DACH1: variants seen among roughly 807,000 people sequenced by gnomAD.
The protein encoded by DACH1 is dachshund homolog 1.
Under a neutral mutation model 54.2 loss-of-function variants are expected in DACH1, and 12 were observed. The ratio of observed to expected loss-of-function variants is 0.22; its 90% CI spans 0.14 to 0.36. The LOEUF (loss-of-function observed/expected upper bound fraction) is 0.36. DACH1 is among the 10% of genes least tolerant of loss of function. The pLI is 1.00. For synonymous variants in DACH1, 386 were observed against 366.2 expected, an observed-to-expected ratio of 1.05 and a Z score of -0.62; for missense variants, 805 against 929.8, an observed-to-expected ratio of 0.87 and a Z score of 1.75.
At chr13:71,611,992 T>C (rs1255984221) in intron 3 of DACH1, among the ~76,000 whole-genome samples, 1 of 152,134 alleles carries the variant, frequency 6.6e-6, no homozygotes, top group South Asian at 2.1e-4. Flanking sequence ...GACAATCGTA[T>C]GAGGATGAAT....
intron 10 of DACH1, among the ~76,000 whole-genome samples, chr13:71,463,079 G>A (rs1228733850): frequency 6.6e-6 from 1 of 151,926 alleles, no homozygotes; most frequent in African/African-American, 2.4e-5. Context: ...ATGAATGATA[G>A]TATTGACACT....
intron 3 of DACH1, among the ~76,000 whole-genome samples, chr13:71,629,403 A>G (rs946334015): frequency 9.9e-5 from 15 of 152,112 alleles, no homozygotes; most frequent in Non-Finnish European, 2.1e-4. Flanking sequence ...TCCCTTACAT[A>G]GTTGTGCTGA....
chr13:71,562,822 T>C (rs9542721), intron 4 of DACH1, among the ~76,000 whole-genome samples: 7 of 152,106 alleles, frequency 4.6e-5, no homozygotes, highest in Non-Finnish European at 8.8e-5. Context: ...TCATATCAAA[T>C]CATTGTAATC....
At chr13:71,553,935 T>C (rs1446404011) in intron 6 of DACH1, among the ~76,000 whole-genome samples, 1 of 151,882 alleles carries the variant, frequency 6.6e-6, no homozygotes, top group African/African-American at 2.4e-5. Flanking sequence ...ATTTTTGGAA[T>C]CAGTGTTTTC....
At chr13:71,512,073 T>C (rs1202842572) in intron 6 of DACH1, among the ~76,000 whole-genome samples, 1 of 152,006 alleles carries the variant, frequency 6.6e-6, no homozygotes, top group African/African-American at 2.4e-5. Flanking sequence ...ATACTTCTTA[T>C]GTTACCAATT....
At chr13:71,813,948 C>T (rs927030119) in intron 1 of DACH1, among the ~76,000 whole-genome samples, 8 of 152,048 alleles carry the variant, frequency 5.3e-5, no homozygotes, top group Non-Finnish European at 1.2e-4. Context: ...GACGTTAAGC[C>T]CTCAAGCCAA....
At chr13:71,827,593 A>G (rs898441927) in intron 1 of DACH1, among the ~76,000 whole-genome samples, 4 of 152,208 alleles carry the variant, frequency 2.6e-5, no homozygotes, top group South Asian at 4.1e-4. Flanking sequence ...AAGATTGTCA[A>G]CGTACTACAG....
At chr13:71,771,442 A>G (rs1309185092) in intron 1 of DACH1, among the ~76,000 whole-genome samples, 3 of 151,550 alleles carry the variant, frequency 2.0e-5, no homozygotes, top group African/African-American at 7.2e-5. Context: ...AAAGTCACTT[A>G]GTATTTAAAT....
chr13:71,866,487 C>T lies in DACH1; in HGVS notation c.283G>A (p.Gly95Ser). ...GGGSSGNGGGGGGGGGGSNCN... is the reference protein window; with the variant it reads ...GGGSSGNGGGSGGGGGGSNCN... ...TTGCTGCCACCGCCGCCGCCGCCAC[C>T]GCCGCCTCCGTTGCCGCTGCTGCCG... The change falls in exon 1 of 11, where the codon GGT becomes AGT. Residue 95 changes from glycine to serine, a missense_variant. Around this residue, in one of 3 missense-constraint regions of DACH1, gnomAD observed 305 missense variants for 308.7 expected, o/e 0.99. Transcript: ENST00000613252. 2 of 1,243,810 alleles carry T rather than the reference C, an allele frequency of 1.6e-6. No homozygotes were observed. Among genetic ancestry groups the T allele is most frequent in the Non-Finnish European group, 2.0e-6 (2 of 990,972 alleles). 77.0% of individuals were successfully genotyped at this position (1,243,810 alleles called of 1,614,324 possible). A position where few individuals can be genotyped will look rare whatever the true frequency, so the allele number is the denominator to read the frequency against.
intron 3 of DACH1, among the ~76,000 whole-genome samples, chr13:71,626,685 T>A (rs555425225): frequency 2.0e-5 from 3 of 151,988 alleles, no homozygotes; most frequent in Admixed American, 1.3e-4. Context: ...GTAATCAATA[T>A]CAGGATGGCT....
chr13:71,827,220 A>C (rs998718704), intron 1 of DACH1, among the ~76,000 whole-genome samples: 7 of 152,036 alleles, frequency 4.6e-5, no homozygotes, highest in African/African-American at 1.4e-4. Context: ...CCACCTTACC[A>C]ATATCTAAGA....
intron 1 of DACH1, among the ~76,000 whole-genome samples, chr13:71,739,089 C>T (rs1244953566): frequency 1.3e-5 from 2 of 151,948 alleles, no homozygotes; most frequent in Non-Finnish European, 2.9e-5. Flanking sequence ...CCCATCTCTG[C>T]TAAAAATACA....
chr13:71,793,677 T>C (rs1383225787), intron 1 of DACH1, among the ~76,000 whole-genome samples: 1 of 152,094 alleles, frequency 6.6e-6, no homozygotes, highest in Non-Finnish European at 1.5e-5. Flanking sequence ...ACTACAGGCA[T>C]GTGCCACTTG....
At chr13:71,675,228 T>A in intron 2 of DACH1, 1 of 1,573,420 alleles carries the variant, frequency 6.4e-7, no homozygotes, top group Non-Finnish European at 8.7e-7. Flanking sequence ...TTAGACGTTA[T>A]CAGAAGTCCA....
intron 1 of DACH1, among the ~76,000 whole-genome samples, chr13:71,800,110 A>G (rs1887230995): frequency 6.6e-6 from 1 of 152,000 alleles, no homozygotes; most frequent in South Asian, 2.1e-4. Context: ...GAGTTGCTTG[A>G]ACTCTCCAGG....
intron 1 of DACH1, among the ~76,000 whole-genome samples, chr13:71,753,547 G>A (rs1351413922): frequency 6.6e-6 from 1 of 152,088 alleles, no homozygotes. Flanking sequence ...AAATAACGAA[G>A]TTAGTATATC....
At chr13:71,737,031 A>G (rs1441357876) in intron 1 of DACH1, among the ~76,000 whole-genome samples, 1 of 152,110 alleles carries the variant, frequency 6.6e-6, no homozygotes, top group Non-Finnish European at 1.5e-5. Flanking sequence ...TGGGCGGATG[A>G]CTAGAGGTCA....
intron 6 of DACH1, among the ~76,000 whole-genome samples, chr13:71,498,635 T>C (rs1381509138): frequency 7.2e-6 from 1 of 138,486 alleles, no homozygotes; most frequent in Non-Finnish European, 1.5e-5. Context: ...GTTTAGATGA[T>C]GTGAGTTGAA....
At chr13:71,614,365 T>C (rs1875593294) in intron 3 of DACH1, among the ~76,000 whole-genome samples, 1 of 152,120 alleles carries the variant, frequency 6.6e-6, no homozygotes, top group East Asian at 1.9e-4. Context: ...AGAATGGATG[T>C]AGGAATGGAT....
Sources: gnomAD v4.1 joint callset for allele counts (sites outside exome capture counted in the v4.1 genomes callset) on GRCh38, gnomAD v4.1.1 for gene constraint, gnomAD v4.1.1 regional missense constraint, MANE v1.5 for transcripts, NCBI Gene and HGNC (gene_info 2026-07-23, HGNC 2026-07-21) for gene names.